Variants in RBKS observed in about 807,000 individuals in gnomAD.
The protein encoded by RBKS is ribokinase.
In RBKS, 33 loss-of-function variants were observed where a neutral mutation model predicts 33.9. The ratio of observed to expected loss-of-function variants is 0.97; its 90% CI spans 0.74 to 1.30. The LOEUF (loss-of-function observed/expected upper bound fraction) is 1.30. Among genes scored for constraint, RBKS ranks in the 50% most tolerant of loss-of-function variants. The probability of loss-of-function intolerance (pLI) is 0.00; values close to 1 mark genes in which losing one functional copy is unlikely to be tolerated. For synonymous variants in RBKS, 125 were observed against 143.0 expected (o/e 0.87, Z 0.90); for missense variants, 361 against 392.6 (o/e 0.92, Z 0.68).
At chr2:27,858,712 A>G in intron 1 of RBKS, 141 bp from the exon 2 acceptor site, 1 of 698,608 alleles carries the variant, frequency 1.4e-6, no homozygotes, top group South Asian at 2.0e-5. Context: ...AACGAAGATT[A>G]TCTCTTCCTT....
chr2:27,870,834 A>G (rs1443125165), intron 1 of RBKS: 1 of 464,568 alleles, frequency 2.2e-6, no homozygotes, highest in African/African-American at 2.0e-5. Context: ...ACAGTTCTGC[A>G]GCTGTGGTGT....
chr2:27,865,571 CTTTTTTTTTTT>C (rs5830052), intron 1 of RBKS, among the ~76,000 whole-genome samples: 17 of 63,942 alleles, frequency 2.7e-4, no homozygotes, highest in African/African-American at 4.5e-4. Context: ...TCTCCTCCTC[CTTTTTTTTTTT>C]TTTTTTTTTT....
intron 7 of RBKS, among the ~76,000 whole-genome samples, chr2:27,802,118 G>A (rs926168218): frequency 4.7e-5 from 7 of 148,120 alleles, no homozygotes; most frequent in African/African-American, 1.5e-4. Context: ...GATTATAGGT[G>A]TGAGCCACTG....
intron 7 of RBKS, among the ~76,000 whole-genome samples, chr2:27,824,538 T>C (rs1678276983): frequency 6.6e-6 from 1 of 152,242 alleles, no homozygotes; most frequent in Admixed American, 6.5e-5. Flanking sequence ...GGTTCATCCA[T>C]GTTGTTGTAT....
intron 5 of RBKS, among the ~76,000 whole-genome samples, chr2:27,838,706 T>G (rs1325738592): frequency 6.6e-6 from 1 of 152,172 alleles, no homozygotes; most frequent in Non-Finnish European, 1.5e-5. Flanking sequence ...AAATCTGTAA[T>G]AGACAAGGTG....
chr2:27,887,617 A>T (rs917120804), intron 1 of RBKS, among the ~76,000 whole-genome samples: 2 of 152,198 alleles, frequency 1.3e-5, no homozygotes, highest in African/African-American at 4.8e-5. Flanking sequence ...AGCTGTGGGA[A>T]TTAGCAGAGA....
In RBKS at chr2:27,795,550, C is replaced by G. The variant is rs182987616; in HGVS notation, c.796-13762G>C. Among the ~76,000 whole-genome samples the G allele has an allele frequency of 1.3e-5, 2 of 152,260 alleles. No individual in the cohort carries two copies. The highest frequency in any genetic ancestry group is 6.5e-5 in the Admixed American group (1 of 15,296). On this transcript the variant is annotated intron_variant, in intron 7 of 7. Coordinates refer to ENST00000302188, the MANE Select transcript of RBKS (RefSeq NM_022128.3). This position sits in a 1 kb window ranked among gnomAD's most constrained non-coding sequence, Gnocchi z 4.1. ...CCGGGTATTTATATACACACACACA[C>G]AACATTGACCTCATTTCATCTTCAC...
intron 4 of RBKS, among the ~76,000 whole-genome samples, chr2:27,844,263 G>GAAA (rs1348408045): frequency 9.5e-5 from 8 of 84,122 alleles, no homozygotes; most frequent in African/African-American, 1.3e-4. Flanking sequence ...CTCTGTCTCA[G>GAAA]AAAAAAAAAA....
At chr2:27,782,822 T>G (rs1185993505) in intron 7 of RBKS, 1 of 252,798 alleles carries the variant, frequency 4.0e-6, no homozygotes, top group Non-Finnish European at 8.6e-6. Flanking sequence ...TATTCCACTC[T>G]TAAGGGTTGG....
chr2:27,890,043 C>A lies in RBKS; in HGVS notation c.89+214G>T. 1.9e-6 allele frequency: 1 copy of A among 525,728 alleles called. No homozygotes were observed. Among genetic ancestry groups the A allele is most frequent in the Admixed American group, 3.4e-5 (1 of 29,030 alleles). 32.6% of individuals were successfully genotyped at this position (525,728 alleles called of 1,614,324 possible). A position where few individuals can be genotyped will look rare whatever the true frequency, so the allele number is the denominator to read the frequency against. On this transcript the variant is annotated intron_variant, in intron 1 of 7. Coordinates refer to ENST00000302188, the MANE Select transcript of RBKS (RefSeq NM_022128.3). This position sits in a 1 kb window ranked among gnomAD's most constrained non-coding sequence, Gnocchi z 4.8. ...TATTAGAGCTTTCACTAAACCCTGG[C>A]CTATTACGTCCCCTCCCCTGAGATT...
At chr2:27,794,472 C>T (rs1173452978) in intron 7 of RBKS, among the ~76,000 whole-genome samples, 1 of 151,824 alleles carries the variant, frequency 6.6e-6, no homozygotes, top group Non-Finnish European at 1.5e-5. Flanking sequence ...AAGTGGACAT[C>T]TGCTACAAAT....
intron 2 of RBKS, among the ~76,000 whole-genome samples, chr2:27,856,058 T>C (rs1663851340): frequency 6.6e-6 from 1 of 152,220 alleles, no homozygotes; most frequent in African/African-American, 2.4e-5. Flanking sequence ...TCACAATGGA[T>C]AAAATATGAT....
chr2:27,819,534 G>A (rs879685512), intron 7 of RBKS, among the ~76,000 whole-genome samples: 1 of 152,138 alleles, frequency 6.6e-6, no homozygotes, highest in African/African-American at 2.4e-5. Context: ...GATGAAGTAC[G>A]TGAACTACCA....
intron 7 of RBKS, among the ~76,000 whole-genome samples, chr2:27,786,871 C>T (rs1677415659): frequency 6.6e-6 from 1 of 152,082 alleles, no homozygotes; most frequent in African/African-American, 2.4e-5. Flanking sequence ...TCCACTACAG[C>T]CAAGGCCAGG....
chr2:27,881,020 C>G (rs562377411), intron 1 of RBKS, among the ~76,000 whole-genome samples: 225 of 151,950 alleles, frequency 1.5e-3, no homozygotes, highest in African/African-American at 5.2e-3. Context: ...TCGAGACTAG[C>G]CTGAGCAACA....
At chr2:27,851,027 C>T (rs4666025) in intron 2 of RBKS, among the ~76,000 whole-genome samples, 40,138 of 151,954 alleles carry the variant, frequency 0.26, 6,240 homozygotes, top group East Asian at 0.63. Context: ...CTCCTGTAGG[C>T]CTTTAGTCTT....
chr2:27,835,174 G>T (rs1678492338), intron 5 of RBKS, among the ~76,000 whole-genome samples: 1 of 151,768 alleles, frequency 6.6e-6, no homozygotes, highest in Admixed American at 6.6e-5. Context: ...TACTCCAGAG[G>T]CTGGGGCAGG....
chr2:27,852,348 C>T (rs996717173), intron 2 of RBKS, among the ~76,000 whole-genome samples: 6 of 152,038 alleles, frequency 3.9e-5, no homozygotes, highest in Non-Finnish European at 7.4e-5. Flanking sequence ...CTAGTGGCTT[C>T]TGTATTTGAC....
chr2:27,840,370 A>ACGCACGCGCG (rs1350846687), intron 5 of RBKS, among the ~76,000 whole-genome samples: 1 of 141,526 alleles, frequency 7.1e-6, no homozygotes, highest in African/African-American at 2.7e-5. Flanking sequence ...GCGCGCACAC[A>ACGCACGCGCG]CACACACACA....
Sources: allele counts gnomAD v4.1 joint callset (sites outside exome capture counted in the v4.1 genomes callset), GRCh38; gene constraint gnomAD v4.1.1; non-coding constraint Gnocchi (gnomAD v3.1); transcripts MANE v1.5; gene names NCBI Gene and HGNC (gene_info 2026-07-23, HGNC 2026-07-21).